Variants in ARSG observed in about 807,000 individuals in gnomAD.
ARSG encodes arylsulfatase G.
A neutral mutation model predicts 50.5 loss-of-function variants in ARSG; 37 were observed. The ratio of observed to expected loss-of-function variants is 0.73; its 90% CI spans 0.56 to 0.96. ARSG has a LOEUF of 0.96. ARSG is among the 50% of genes least tolerant of loss of function. The probability of loss-of-function intolerance (pLI) is 0.00; values close to 1 mark genes in which losing one functional copy is unlikely to be tolerated. For missense variants in ARSG, 629 were observed against 675.3 expected (o/e 0.93, Z 0.76); for synonymous variants, 225 against 254.6 (o/e 0.88, Z 1.11).
rs2075343318 is a variant in ARSG at position 68,271,624 on chromosome 17, C to T, written c.-552+12198C>T. The T allele has an allele frequency of 1.2e-6, 2 of 1,613,606 alleles. No homozygotes were observed. Among genetic ancestry groups the T allele is most frequent in the East Asian group, 2.2e-5 (1 of 44,870 alleles). On this transcript the variant is annotated intron_variant, in intron 1 of 11. Transcript: ENST00000448504. This position sits in a 1 kb window ranked among gnomAD's most constrained non-coding sequence, Gnocchi z 5.3. The stretch of plus-strand genomic sequence containing the variant: ...GCCCACGAAGAGGAGGCTGTATCTC[C>T]AGCCAATGCGCTCCTTCAGAGCCAT...
At chr17:68,278,619 T>G (rs1349633763) in intron 1 of ARSG, among the ~76,000 whole-genome samples, 1 of 42,208 alleles carries the variant, frequency 2.4e-5, no homozygotes, top group Non-Finnish European at 4.3e-5. Context: ...TCTTTTTCCT[T>G]TTTTTTTTTT....
the ARSG span, among the ~76,000 whole-genome samples, chr17:68,450,166 A>AC: frequency 1.3e-5 from 2 of 151,868 alleles, no homozygotes; most frequent in Non-Finnish European, 2.9e-5. Flanking sequence ...AATGCTACAA[A>AC]AAAAACAAAA....
intron 2 of ARSG, among the ~76,000 whole-genome samples, chr17:68,316,366 C>A (rs1329579306): frequency 2.6e-5 from 4 of 152,212 alleles, no homozygotes; most frequent in Non-Finnish European, 5.9e-5. Context: ...TTGTTTACTT[C>A]TTTGTTGCCT....
intron 2 of ARSG, among the ~76,000 whole-genome samples, chr17:68,323,506 T>C (rs1413553336): frequency 6.6e-6 from 1 of 152,096 alleles, no homozygotes; most frequent in Non-Finnish European, 1.5e-5. Context: ...CACTTCACCT[T>C]CCCAAAATGC....
At chr17:68,293,567 T>C (rs1314202920) in intron 1 of ARSG, among the ~76,000 whole-genome samples, 13 of 152,188 alleles carry the variant, frequency 8.5e-5, no homozygotes, top group African/African-American at 3.1e-4. Context: ...TTAATATTAA[T>C]CTTTTTTAAA....
chr17:68,420,081 G>T, intron 11 of ARSG, 108 bp from the exon 12 acceptor site: 1 of 1,272,372 alleles, frequency 7.9e-7, no homozygotes. Context: ...TGGAACATTT[G>T]GTTATCTGGT....
intron 8 of ARSG, among the ~76,000 whole-genome samples, chr17:68,377,702 C>A (rs1237075141): frequency 2.0e-5 from 3 of 152,190 alleles, no homozygotes; most frequent in Non-Finnish European, 4.4e-5. Flanking sequence ...TTGGCAAACA[C>A]CCTGAAAAAG....
At chr17:68,310,149 C>T (rs1568449850) in intron 2 of ARSG, among the ~76,000 whole-genome samples, 1 of 151,848 alleles carries the variant, frequency 6.6e-6, no homozygotes, top group Admixed American at 6.6e-5. Flanking sequence ...CCCCAGAGAT[C>T]GGGTTTCTCC....
At chr17:68,292,740 C>T (rs2076060044) in intron 1 of ARSG, among the ~76,000 whole-genome samples, 1 of 152,044 alleles carries the variant, frequency 6.6e-6, no homozygotes, top group Non-Finnish European at 1.5e-5. Flanking sequence ...GATAGGCTCT[C>T]CTGAGTTAAA....
In ARSG at chr17:68,271,596, T is replaced by G; in HGVS notation, c.-552+12170T>G. 1 of 1,614,134 alleles carries G rather than the reference T, an allele frequency of 6.2e-7. No individual in the cohort carries two copies. The highest frequency in any genetic ancestry group is 8.5e-7 in the Non-Finnish European group (1 of 1,179,972). ...CGAAGATGACAATGTTTAACTGTAGTAGGCCCACGAAGAGGAGGCTGTATC... is the reference window on the plus strand; with the variant it reads ...CGAAGATGACAATGTTTAACTGTAGGAGGCCCACGAAGAGGAGGCTGTATC... On this transcript the variant is annotated intron_variant, in intron 1 of 11. Transcript: ENST00000448504. This position sits in a 1 kb window ranked among gnomAD's most constrained non-coding sequence, Gnocchi z 5.3.
chr17:68,309,342 C>T (rs1240315169), intron 2 of ARSG, among the ~76,000 whole-genome samples: 4 of 152,228 alleles, frequency 2.6e-5, no homozygotes, highest in Non-Finnish European at 5.9e-5. Flanking sequence ...CTTGGCCAGC[C>T]TAGAAAGGGG....
intron 10 of ARSG, among the ~76,000 whole-genome samples, chr17:68,396,515 C>T (rs1423928887): frequency 1.3e-5 from 2 of 152,144 alleles, no homozygotes; most frequent in Admixed American, 6.5e-5. Context: ...CAGGAGGAGG[C>T]AAGGAGGCGG....
intron 2 of ARSG, among the ~76,000 whole-genome samples, chr17:68,326,389 T>A (rs7210498): frequency 6.6e-6 from 1 of 152,132 alleles, no homozygotes; most frequent in East Asian, 1.9e-4. Flanking sequence ...CAACTCAGCC[T>A]GGCGCGGTGG....
downstream of ARSG, chr17:68,421,696 CCATT>C: frequency 8.7e-6 from 14 of 1,603,334 alleles, no homozygotes; most frequent in Non-Finnish European, 1.2e-5. Flanking sequence ...CAATTGCACT[CCATT>C]CTTCCGCCTT....
intron 8 of ARSG, among the ~76,000 whole-genome samples, chr17:68,374,656 A>G (rs1012358068): frequency 2.0e-5 from 3 of 152,110 alleles, no homozygotes; most frequent in African/African-American, 7.2e-5. Flanking sequence ...GTTCAAGACC[A>G]GTCTGGCCAA....
the ARSG span, among the ~76,000 whole-genome samples, chr17:68,442,047 A>G: frequency 6.6e-6 from 1 of 152,204 alleles, no homozygotes; most frequent in Non-Finnish European, 1.5e-5. Flanking sequence ...CACTGTCTCT[A>G]ACAGGGAACA....
At chr17:68,314,621 C>A (rs2077000958) in intron 2 of ARSG, among the ~76,000 whole-genome samples, 2 of 151,920 alleles carry the variant, frequency 1.3e-5, no homozygotes, top group South Asian at 4.2e-4. Flanking sequence ...GCACACGGAT[C>A]CCTTAATGCC....
intron 3 of ARSG, 73 bp from the exon 4 acceptor site, chr17:68,347,052 T>TG: frequency 6.4e-7 from 1 of 1,563,522 alleles, no homozygotes; most frequent in Non-Finnish European, 8.8e-7. Context: ...GCTGAGTGTG[T>TG]GATCAGCTCC....
At position 68,393,681 on chromosome 17, in the gene ARSG, A is replaced by G. The variant is rs184729202; in HGVS notation, c.1092-1392A>G. Among the ~76,000 whole-genome samples the G allele has an allele frequency of 6.8e-3, 1,033 of 152,234 alleles. 4 individuals carry two copies. The highest frequency in any genetic ancestry group is 0.02 in the Middle Eastern group (6 of 294). ...CAGGAGTTTGAGACCAACCTGGCCA[A>G]CACGGCGAAACCCCATCTCTACTAA... On this transcript the variant is annotated intron_variant, in intron 9 of 11. Coordinates refer to ENST00000621439, the MANE Select transcript of ARSG (RefSeq NM_001267727.2).
Sources: gnomAD v4.1 joint callset for allele counts (sites outside exome capture counted in the v4.1 genomes callset) on GRCh38, gnomAD v4.1.1 for gene constraint, Gnocchi (gnomAD v3.1) non-coding constraint, MANE v1.5 for transcripts, NCBI Gene and HGNC (gene_info 2026-07-23, HGNC 2026-07-21) for gene names.